The following PIWIL3 variants were observed in gnomAD, a reference collection of about 807,000 sequenced individuals.
PIWIL3 encodes piwi like RNA-mediated gene silencing 3.
Under a neutral mutation model 109.7 loss-of-function variants are expected in PIWIL3, and 101 were observed. The observed-to-expected ratio is 0.92, with a 90% CI of 0.78 to 1.09. The LOEUF is 1.09. Among genes scored for constraint, PIWIL3 ranks in the 50% least tolerant of loss-of-function variants. The pLI, the probability that PIWIL3 is intolerant of heterozygous loss-of-function variation, is 0.00. For missense variants in PIWIL3, 1,031 were observed against 1,072.6 expected, an observed-to-expected ratio of 0.96 and a Z score of 0.54; for synonymous variants, 373 against 376.4, an observed-to-expected ratio of 0.99 and a Z score of 0.10.
At chr22:24,773,466 C>A (rs2147740296) in intron 1 of PIWIL3, among the ~76,000 whole-genome samples, 1 of 152,240 alleles carries the variant, frequency 6.6e-6, no homozygotes, top group Non-Finnish European at 1.5e-5. Flanking sequence ...GCAGGTCCCA[C>A]AACGAATGCT....
intron 19 of PIWIL3, among the ~76,000 whole-genome samples, chr22:24,720,608 T>G (rs1398441552): frequency 6.6e-6 from 1 of 152,194 alleles, no homozygotes; most frequent in Non-Finnish European, 1.5e-5. Context: ...AAGATTGATC[T>G]ATGTGTTATA....
In PIWIL3 at chr22:24,770,904, C is replaced by T. The variant is rs76109641; in HGVS notation, c.-23+3418G>A. Among the ~76,000 whole-genome samples, 931 of 151,896 alleles carry T rather than the reference C, an allele frequency of 6.1e-3. 5 individuals carry two copies. Among genetic ancestry groups the T allele is most frequent in the African/African-American group, 0.021 (872 of 41,414 alleles). On this transcript the variant is annotated intron_variant, in intron 1 of 20. Coordinates refer to ENST00000616349, the MANE Select transcript of PIWIL3 (RefSeq NM_001255975.1). ...TAAACCAAGCATGAAGACCCAGCTA[C>T]AGAATTCTCCCCTACCTAGGGGGAT...
In PIWIL3 at chr22:24,744,186, A is replaced by ATT. The variant is rs1569103583; in HGVS notation, c.1449+4720_1449+4721insAA. Among the ~76,000 whole-genome samples, 23 of 145,270 alleles carry ATT rather than the reference A, an allele frequency of 1.6e-4. 2 individuals are homozygous for ATT. The highest frequency in any genetic ancestry group is 1.2e-3 in the East Asian group (6 of 5,070). On this transcript the variant is annotated intron_variant, in intron 12 of 20. Coordinates refer to ENST00000616349, the MANE Select transcript of PIWIL3 (RefSeq NM_001255975.1). Reference sequence around the variant, plus strand: ...TGAAAGAGTGACCGAATTAAAAAAAAAAAAAAAAAAAAAAAAAAAAACAAT... The same window carrying ATT: ...TGAAAGAGTGACCGAATTAAAAAAAATTAAAAAAAAAAAAAAAAAAAAACAAT...
At chr22:24,727,013 A>T (rs1024261576) in intron 16 of PIWIL3, among the ~76,000 whole-genome samples, 1 of 152,240 alleles carries the variant, frequency 6.6e-6, no homozygotes, top group African/African-American at 2.4e-5. Context: ...AGAGCATAGG[A>T]TATAGACACA....
intron 13 of PIWIL3, 54 bp from the exon 14 acceptor site, chr22:24,734,210 C>G (rs574141729): frequency 6.3e-7 from 1 of 1,579,130 alleles, no homozygotes; most frequent in South Asian, 1.2e-5. Context: ...GTGAAACAAA[C>G]GTTTCACCCA....
chr22:24,722,325 G>GC (rs1486897432), intron 19 of PIWIL3, among the ~76,000 whole-genome samples: 1 of 152,096 alleles, frequency 6.6e-6, no homozygotes, highest in Non-Finnish European at 1.5e-5. Flanking sequence ...CTCGTGATCT[G>GC]CCCGCCTTGG....
chr22:24,724,460 G>A (rs1482436999), intron 18 of PIWIL3, among the ~76,000 whole-genome samples: 1 of 149,030 alleles, frequency 6.7e-6, no homozygotes, highest in African/African-American at 2.5e-5. Context: ...TTGAGACGGC[G>A]TTTCACTCTT....
chr22:24,766,685 C>T lies in PIWIL3; in HGVS notation c.-22-4164G>A, dbSNP rs116079507. 2.2e-3 allele frequency among the ~76,000 whole-genome samples: 336 copies of T among 152,234 alleles called. 2 individuals are homozygous for T. The highest frequency in any genetic ancestry group is 7.6e-3 in the African/African-American group (316 of 41,538). Reference sequence around the variant, plus strand: ...ATTTTATCACAGTTACATCCAGATCCTTGATGTACACATTGAATGCCTGTC... The same window carrying T: ...ATTTTATCACAGTTACATCCAGATCTTTGATGTACACATTGAATGCCTGTC... On this transcript the variant is annotated intron_variant, in intron 1 of 20. Transcript: ENST00000616349.
At chr22:24,721,878 C>T (rs1159720802) in intron 19 of PIWIL3, among the ~76,000 whole-genome samples, 1 of 152,196 alleles carries the variant, frequency 6.6e-6, no homozygotes, top group Non-Finnish European at 1.5e-5. Flanking sequence ...CTTGCATCCT[C>T]ATAACAAGAA....
intron 3 of PIWIL3, among the ~76,000 whole-genome samples, chr22:24,758,831 C>T (rs1458247906): frequency 2.0e-5 from 3 of 152,074 alleles, no homozygotes; most frequent in Non-Finnish European, 4.4e-5. Context: ...TCAAATTCAT[C>T]ATATTAAAAT....
At chr22:24,757,661 C>T (rs62232189) in intron 4 of PIWIL3, among the ~76,000 whole-genome samples, 40 of 28,464 alleles carry the variant, frequency 1.4e-3, no homozygotes, top group Admixed American at 6.7e-3. Flanking sequence ...GTATATATTA[C>T]ACACACACAC....
At chr22:24,750,429 G>T (rs193238809) in intron 9 of PIWIL3, among the ~76,000 whole-genome samples, 31 of 151,332 alleles carry the variant, frequency 2.0e-4, no homozygotes, top group African/African-American at 6.8e-4. Context: ...GTTCTACAGG[G>T]CTGAGATTTC....
At chr22:24,737,018 C>T (rs1923695935) in intron 12 of PIWIL3, among the ~76,000 whole-genome samples, 1 of 152,154 alleles carries the variant, frequency 6.6e-6, no homozygotes, top group South Asian at 2.1e-4. Flanking sequence ...GACTGCAATC[C>T]CTAGGCAAGT....
intron 4 of PIWIL3, among the ~76,000 whole-genome samples, chr22:24,757,122 A>G (rs546925248): frequency 6.6e-6 from 1 of 151,842 alleles, no homozygotes; most frequent in East Asian, 1.9e-4. Flanking sequence ...AGAAAAGCCA[A>G]AGTTAGGTCA....
intron 9 of PIWIL3, 47 bp downstream of exon 9, chr22:24,751,340 A>G (rs1358222761): frequency 1.3e-6 from 2 of 1,520,416 alleles, no homozygotes; most frequent in East Asian, 4.5e-5. Context: ...ACTGAAATAC[A>G]TGAAGGTTTA....
Position 24,746,646 on chromosome 22 carries a change from A to AC in PIWIL3, c.1449+2260dup, listed in dbSNP as rs56730576. On this transcript the variant is annotated intron_variant, in intron 12 of 20. Transcript: ENST00000616349. ...AATCTAACGACTCCAAAAAAAAAAAACATAGAACTGATAAATTTAATAAAG... is the reference window on the plus strand; with the variant it reads ...AATCTAACGACTCCAAAAAAAAAAAACCATAGAACTGATAAATTTAATAAAG... Among the ~76,000 whole-genome samples the AC allele has an allele frequency of 2.3e-3, 350 of 151,774 alleles. 7 individuals carry two copies. Among genetic ancestry groups the AC allele is most frequent in the Admixed American group, 0.018 (275 of 15,222 alleles).
intron 12 of PIWIL3, among the ~76,000 whole-genome samples, chr22:24,746,923 C>A (rs1924408665): frequency 6.6e-6 from 1 of 151,942 alleles, no homozygotes; most frequent in Non-Finnish European, 1.5e-5. Context: ...CCATATTATC[C>A]AAAGCAATCC....
At chr22:24,740,069 A>G (rs1032638351) in intron 12 of PIWIL3, among the ~76,000 whole-genome samples, 1 of 149,064 alleles carries the variant, frequency 6.7e-6, no homozygotes. Context: ...AAAAAAAAAA[A>G]TTAGCCGGGC....
intron 8 of PIWIL3, among the ~76,000 whole-genome samples, chr22:24,752,067 TTTCTC>T (rs138058085): frequency 0.03 from 4,608 of 152,272 alleles, 75 homozygotes; most frequent in African/African-American, 0.033. Flanking sequence ...TATGTTCTCA[TTTCTC>T]TTGTGTATTT....
Sources: gnomAD v4.1 joint callset for allele counts (sites outside exome capture counted in the v4.1 genomes callset) on GRCh38, gnomAD v4.1.1 for gene constraint, MANE v1.5 for transcripts, NCBI Gene and HGNC (gene_info 2026-07-23, HGNC 2026-07-21) for gene names.